Variants in RSRP1 observed in about 807,000 individuals in gnomAD.
RSRP1 encodes the protein arginine and serine rich protein 1.
Under a neutral mutation model 33.0 loss-of-function variants are expected in RSRP1, and 37 were observed. That is an observed-to-expected ratio of 1.12 (90% CI 0.86 to 1.48). RSRP1 has a LOEUF of 1.48. Among genes scored for constraint, RSRP1 ranks in the 40% most tolerant of loss-of-function variants. The pLI is 0.00. For synonymous variants in RSRP1, 167 were observed against 158.7 expected (o/e 1.05, Z -0.40); for missense variants, 402 against 385.3 (o/e 1.04, Z -0.36).
intron 1 of RSRP1, among the ~76,000 whole-genome samples, chr1:25,263,628 G>A (rs1640228748): frequency 6.6e-6 from 1 of 151,672 alleles, no homozygotes; most frequent in Admixed American, 6.6e-5. Context: ...GATGAGATTT[G>A]GGTGGGGACA....
rs1356224442 is a variant in RSRP1 at position 25,303,489 on chromosome 1, C to G, written c.-67+34489G>C. The G allele has an allele frequency of 1.1e-5, 15 of 1,378,078 alleles. 2 individuals carry two copies. In the South Asian group the frequency reaches 1.4e-4, roughly 13 times the overall value. 85.4% of individuals were successfully genotyped at this position (1,378,078 alleles called of 1,614,324 possible). On this transcript the variant is annotated intron_variant, in intron 1 of 1. Coordinates refer to the RSRP1 transcript ENST00000561867. Reference sequence around the variant, plus strand: ...GAAACTAGACAACTAACCTCCTCTGCTTTGGCTGAAGGCCAGCAGGACGCT... The same window carrying G: ...GAAACTAGACAACTAACCTCCTCTGGTTTGGCTGAAGGCCAGCAGGACGCT...
rs1352151948 is a variant in RSRP1 at position 25,277,784 on chromosome 1, C to G, written c.-66-30755G>C. ...CCACCTCCCAGGTTCAAGTAATTCT[C>G]CTGCCTCAGCCTCCCGAGTAGCTGG... On this transcript the variant is annotated intron_variant, in intron 1 of 1. Coordinates refer to the RSRP1 transcript ENST00000561867. Among the ~76,000 whole-genome samples the G allele has an allele frequency of 1.6e-5, 2 of 121,350 alleles. 1 individual carries two copies. Among genetic ancestry groups the G allele is most frequent in the Non-Finnish European group, 3.9e-5 (2 of 51,390 alleles). 79.6% of individuals were successfully genotyped at this position (121,350 alleles called of 152,430 possible).
At chr1:25,261,467 C>A (rs1361375401) in intron 1 of RSRP1, among the ~76,000 whole-genome samples, 1 of 148,488 alleles carries the variant, frequency 6.7e-6, no homozygotes, top group Non-Finnish European at 1.5e-5. Context: ...TGCAGTGGTG[C>A]AATCTCGGCT....
At chr1:25,250,006 G>C (rs74060754), upstream of RSRP1, among the ~76,000 whole-genome samples, 1 of 152,150 alleles carries the variant, frequency 6.6e-6, no homozygotes, top group Non-Finnish European at 1.5e-5. Flanking sequence ...GCCGGCAACC[G>C]GGAGACAGCT....
At chr1:25,315,841 C>T (rs1365754937) in intron 1 of RSRP1, among the ~76,000 whole-genome samples, 1 of 130,710 alleles carries the variant, frequency 7.7e-6, no homozygotes, top group African/African-American at 2.6e-5. Flanking sequence ...TAATTCTCTC[C>T]ACTCTCCTAT....
chr1:25,296,615 G>A (rs971092345), intron 1 of RSRP1, among the ~76,000 whole-genome samples: 2 of 131,482 alleles, frequency 1.5e-5, no homozygotes, highest in Admixed American at 7.4e-5. Context: ...TAATCCCCAC[G>A]TGTTGAGGGC....
chr1:25,332,671 C>G lies in RSRP1; in HGVS notation c.-67+5307G>C, dbSNP rs397844050. Among the ~76,000 whole-genome samples, 30 of 132,470 alleles carry G rather than the reference C, an allele frequency of 2.3e-4. 6 individuals are homozygous for G. Among genetic ancestry groups the G allele is most frequent in the Non-Finnish European group, 2.0e-4 (11 of 55,936 alleles). 86.9% of individuals were successfully genotyped at this position (132,470 alleles called of 152,430 possible). ...CCTAAGATACAGCAGTAAACAAATG[C>G]ATAAAGTCCCTGTCCCCATGAAACT... is the stretch of plus-strand genomic sequence containing the variant. On this transcript the variant is annotated intron_variant, in intron 1 of 1. Coordinates refer to the RSRP1 transcript ENST00000561867.
intron 4 of RSRP1, 110 bp downstream of exon 4, chr1:25,243,440 A>T (rs1639055492): frequency 7.5e-7 from 1 of 1,333,702 alleles, no homozygotes. Flanking sequence ...AATTCTATTT[A>T]AAAAGTGTGT....
At chr1:25,254,368 A>G (rs1310236963) in intron 1 of RSRP1, among the ~76,000 whole-genome samples, 1 of 152,198 alleles carries the variant, frequency 6.6e-6, no homozygotes, top group African/African-American at 2.4e-5. Context: ...GCTATCTGTA[A>G]TATTCACCAG....
At chr1:25,254,312 A>T (rs1180742876) in intron 1 of RSRP1, among the ~76,000 whole-genome samples, 1 of 152,194 alleles carries the variant, frequency 6.6e-6, no homozygotes, top group Non-Finnish European at 1.5e-5. Flanking sequence ...CCCTTGATAA[A>T]TTTAACACAT....
In RSRP1 at chr1:25,284,353, G is replaced by A. The variant is rs1641767435; in HGVS notation, c.-66-37324C>T. Among the ~76,000 whole-genome samples the A allele has an allele frequency of 4.4e-5, 6 of 135,772 alleles. No homozygotes were observed. The South Asian group carries it at 1.3e-3, about 30-fold the overall frequency. 89.1% of individuals were successfully genotyped at this position (135,772 alleles called of 152,430 possible). A position where few individuals can be genotyped will look rare whatever the true frequency, so the allele number is the denominator to read the frequency against. On this transcript the variant is annotated intron_variant, in intron 1 of 1. Transcript: ENST00000561867. Reference sequence around the variant, plus strand: ...TGCCCTAAGTGCTTAATTAGCTTTAGCTCCTCTAATCCTTATCTTATCCCC... The same window carrying A: ...TGCCCTAAGTGCTTAATTAGCTTTAACTCCTCTAATCCTTATCTTATCCCC...
intron 1 of RSRP1, among the ~76,000 whole-genome samples, chr1:25,262,626 C>T (rs1640194985): frequency 6.6e-6 from 1 of 152,110 alleles, no homozygotes. Flanking sequence ...CAGTCCAAGT[C>T]CCAAAGCCTC....
chr1:25,245,117 A>G, intron 3 of RSRP1, 33 bp downstream of exon 3: 2 of 1,614,146 alleles, frequency 1.2e-6, no homozygotes, highest in East Asian at 2.2e-5. Flanking sequence ...TGGCTTTCTG[A>G]AAGTTTTGTT....
At chr1:25,258,531 C>A (rs186487950) in intron 1 of RSRP1, among the ~76,000 whole-genome samples, 1 of 152,070 alleles carries the variant, frequency 6.6e-6, no homozygotes, top group Non-Finnish European at 1.5e-5. Context: ...CCTGTCATTG[C>A]GTTTGTGAGA....
rs1469068525 is a variant in RSRP1 at position 25,304,876 on chromosome 1, T to G, written c.-67+33102A>C. On this transcript the variant is annotated intron_variant, in intron 1 of 1. Coordinates refer to the RSRP1 transcript ENST00000561867. ...AGAACACATAGCAAGTTATCATCAG[T>G]CTCAGCGCCCATCGCATTCCCTGAG... 1.1e-4 allele frequency: 14 copies of G among 132,030 alleles called. 5 individuals are homozygous for G. Among genetic ancestry groups the G allele is most frequent in the East Asian group, 1.9e-4 (1 of 5,140 alleles). The allele number at this position is 132,030 out of a possible 1,614,324, so 8.2% of individuals were successfully genotyped here.
intron 1 of RSRP1, among the ~76,000 whole-genome samples, chr1:25,256,989 G>A (rs1033716018): frequency 6.6e-6 from 1 of 152,174 alleles, no homozygotes; most frequent in Non-Finnish European, 1.5e-5. Context: ...GGCATATTAT[G>A]CTTTGTAACA....
At chr1:25,251,085 T>C (rs1371523612), upstream of RSRP1, among the ~76,000 whole-genome samples, 1 of 150,624 alleles carries the variant, frequency 6.6e-6, no homozygotes, top group Non-Finnish European at 1.5e-5. Context: ...GAAAGAACTC[T>C]AGGGGCTAAT....
chr1:25,243,000 G>C (rs1221794900), intron 4 of RSRP1, among the ~76,000 whole-genome samples: 1 of 152,088 alleles, frequency 6.6e-6, no homozygotes, highest in African/African-American at 2.4e-5. Context: ...TGAGGCAGGA[G>C]AATCGCTTGA....
Position 25,316,154 on chromosome 1 carries a change from G to A in RSRP1, c.-67+21824C>T, listed in dbSNP as rs1644427547. Among the ~76,000 whole-genome samples, 3 of 131,052 alleles carry A rather than the reference G, an allele frequency of 2.3e-5. 1 individual carries two copies. The highest frequency in any genetic ancestry group is 2.3e-4 in the South Asian group (1 of 4,288). The allele number at this position is 131,052 out of a possible 152,430, so 86.0% of individuals were successfully genotyped here. ...TCACATTCAGCATCCAAGGGCCCCC[G>A]TAATAGCTTAATGTTTGAATTGAAC... On this transcript the variant is annotated intron_variant, in intron 1 of 1. Transcript: ENST00000561867.
Sources: allele counts gnomAD v4.1 joint callset (sites outside exome capture counted in the v4.1 genomes callset), GRCh38; gene constraint gnomAD v4.1.1; transcripts MANE v1.5; gene names NCBI Gene and HGNC (gene_info 2026-07-23, HGNC 2026-07-21).